The following ATG4B variants were observed in gnomAD, a reference collection of about 807,000 sequenced individuals.
The protein encoded by ATG4B is autophagy related 4B cysteine peptidase.
ATG4B carries 29 observed loss-of-function variants against 56.6 expected under a neutral mutation model. The observed-to-expected ratio is 0.51, with a 90% CI of 0.38 to 0.70. The LOEUF (loss-of-function observed/expected upper bound fraction) is 0.70. ATG4B is among the 30% of genes least tolerant of loss of function. ATG4B has a pLI of 0.00. For missense variants in ATG4B, 461 were observed against 515.5 expected, an observed-to-expected ratio of 0.89 and a Z score of 1.02; for synonymous variants, 224 against 206.1, an observed-to-expected ratio of 1.09 and a Z score of -0.74.
chr2:241,639,018 C>T (rs577057246), intron 1 of ATG4B, among the ~76,000 whole-genome samples: 1 of 152,316 alleles, frequency 6.6e-6, no homozygotes, highest in East Asian at 1.9e-4. Context: ...AGGCTCGCCG[C>T]AGGAGATACC....
At chr2:241,639,978 C>T (rs2067835487) in intron 1 of ATG4B, among the ~76,000 whole-genome samples, 1 of 152,176 alleles carries the variant, frequency 6.6e-6, no homozygotes, top group Non-Finnish European at 1.5e-5. Context: ...GGTTGGGTTT[C>T]ACTGGTGACC....
At chr2:241,644,947 C>CAAA (rs35177697) in intron 1 of ATG4B, among the ~76,000 whole-genome samples, 3 of 137,366 alleles carry the variant, frequency 2.2e-5, no homozygotes, top group Admixed American at 7.3e-5. Context: ...AACTCCATCT[C>CAAA]AAAAAAAAAA....
At chr2:241,647,854 C>T (rs2068110337) in intron 1 of ATG4B, among the ~76,000 whole-genome samples, 2 of 152,054 alleles carry the variant, frequency 1.3e-5, no homozygotes, top group Admixed American at 1.3e-4. Context: ...TGGCTCACGC[C>T]TGTAATCCCA....
chr2:241,644,229 G>C (rs930947783), intron 1 of ATG4B, among the ~76,000 whole-genome samples: 1 of 152,154 alleles, frequency 6.6e-6, no homozygotes, highest in Non-Finnish European at 1.5e-5. Context: ...TGTAGTCCCA[G>C]CTACTCAGGA....
At chr2:241,646,022 G>A (rs555289057) in intron 1 of ATG4B, among the ~76,000 whole-genome samples, 1 of 152,236 alleles carries the variant, frequency 6.6e-6, no homozygotes, top group South Asian at 2.1e-4. Flanking sequence ...GGGGTTTCCT[G>A]GTCTCCTTGA....
intron 10 of ATG4B, among the ~76,000 whole-genome samples, chr2:241,669,806 C>T (rs1013720101): frequency 2.0e-5 from 3 of 152,238 alleles, no homozygotes; most frequent in African/African-American, 7.2e-5. Context: ...TGCGCGCAGC[C>T]TGGCGCACAC....
At position 241,673,039 on chromosome 2, in the gene ATG4B, ACG is replaced by A. The variant is rs1491421927; in HGVS notation, c.*776_*777del. 1.6e-3 allele frequency: 45 copies of A among 27,632 alleles called. No homozygotes were observed. The highest frequency in any genetic ancestry group is 2.2e-3 in the Non-Finnish European group (37 of 16,486). 1.7% of individuals were successfully genotyped at this position (27,632 alleles called of 1,614,324 possible). A position where few individuals can be genotyped will look rare whatever the true frequency, so the allele number is the denominator to read the frequency against. On this transcript the variant is annotated 3_prime_UTR_variant, in exon 13 of 13. Transcript: ENST00000404914. ...TGTGGCAGCTTCCCCAGGTGTGGTG[ACG>A]GGGGGGGGGCGGGGCCTCCACCTGT...
chr2:241,644,824 C>T (rs1319278125), intron 1 of ATG4B, among the ~76,000 whole-genome samples: 1 of 151,946 alleles, frequency 6.6e-6, no homozygotes, highest in Non-Finnish European at 1.5e-5. Flanking sequence ...TGGCACACAC[C>T]TGTAATCCCA....
chr2:241,668,478 T>C lies in ATG4B; in HGVS notation c.812-62T>C, dbSNP rs779552988. 1.9e-6 allele frequency: 3 copies of C among 1,568,200 alleles called. No homozygotes were observed. Among genetic ancestry groups the C allele is most frequent in the Non-Finnish European group, 2.6e-6 (3 of 1,162,270 alleles). The stretch of plus-strand genomic sequence containing the variant: ...GGTGCAGTGGGTCTGAAATGCGGCC[T>C]CCTCTGTCCCTTTCCTCTGCCGGCT... On this transcript the variant is annotated intron_variant, in intron 9 of 12. Coordinates refer to ENST00000404914, the MANE Select transcript of ATG4B (RefSeq NM_013325.5). The surrounding 1 kb of genome is among the most constrained non-coding windows in gnomAD (Gnocchi z 4.2).
intron 1 of ATG4B, among the ~76,000 whole-genome samples, chr2:241,645,251 A>C (rs1346830898): frequency 6.6e-6 from 1 of 152,026 alleles, no homozygotes; most frequent in Non-Finnish European, 1.5e-5. Flanking sequence ...GAGAGTCTTT[A>C]TTGGCTCTTT....
intron 1 of ATG4B, among the ~76,000 whole-genome samples, chr2:241,640,242 T>C (rs62193472): frequency 0.59 from 89,276 of 152,136 alleles, 27,704 homozygotes; most frequent in African/African-American, 0.8. Flanking sequence ...ACACTGGATG[T>C]TGCTGCATGT....
At chr2:241,652,654 G>A (rs751432397) in intron 3 of ATG4B, among the ~76,000 whole-genome samples, 5 of 152,140 alleles carry the variant, frequency 3.3e-5, no homozygotes, top group Non-Finnish European at 7.3e-5. Context: ...ACACCACCAC[G>A]CCTGGCTCTG....
chr2:241,668,600 G>A lies in ATG4B; in HGVS notation c.872G>A (p.Gly291Asp). 6.2e-7 allele frequency: 1 copy of A among 1,603,256 alleles called. No individual in the cohort carries two copies. Among genetic ancestry groups the A allele is most frequent in the Non-Finnish European group, 8.5e-7 (1 of 1,175,992 alleles). The change falls in exon 10 of 13, where the codon GGC (glycine) becomes GAC (aspartate). Residue 291 changes from glycine to aspartate, a missense_variant. Physicochemically the swap from Gly to Asp is moderately conservative, Grantham distance 94. Coordinates refer to ENST00000404914, the MANE Select transcript of ATG4B (RefSeq NM_013325.5). The surrounding 1 kb of genome is among the most constrained non-coding windows in gnomAD (Gnocchi z 4.2). ...TTQPAVEPTD[G>D]CFIPDESFHC... is the part of the protein sequence containing the mutation. ...CAGCCAGCCGTGGAGCCCACTGATG[G>A]CTGCTTCATCCCGGACGAGAGCTTC...
At chr2:241,645,917 G>C (rs1289898889) in intron 1 of ATG4B, among the ~76,000 whole-genome samples, 1 of 152,164 alleles carries the variant, frequency 6.6e-6, no homozygotes, top group African/African-American at 2.4e-5. Context: ...CGGTGTGGGA[G>C]CCCTCCTTAG....
chr2:241,650,708 A>G (rs1284223624), intron 1 of ATG4B, among the ~76,000 whole-genome samples: 1 of 151,996 alleles, frequency 6.6e-6, no homozygotes, highest in Non-Finnish European at 1.5e-5. Flanking sequence ...CCCTCGTGTC[A>G]GCTGTTAGAC....
At chr2:241,670,093 G>A (rs547238384) in intron 10 of ATG4B, among the ~76,000 whole-genome samples, 12 of 152,238 alleles carry the variant, frequency 7.9e-5, no homozygotes, top group Non-Finnish European at 1.6e-4. Flanking sequence ...GCAGAATGGT[G>A]TCTTCAGGGG....
chr2:241,651,458 C>A lies in ATG4B; in HGVS notation c.184+123C>A. ...CATTTGAATCTTCACAGCAATCCTG[C>A]TTAACTGAATTGGCCGAGGCCTCAC... On this transcript the variant is annotated intron_variant, in intron 3 of 12. Coordinates refer to ENST00000404914, the MANE Select transcript of ATG4B (RefSeq NM_013325.5). This position sits in a 1 kb window ranked among gnomAD's most constrained non-coding sequence, Gnocchi z 4.1. The A allele has an allele frequency of 2.5e-6, 2 of 811,592 alleles. No individual in the cohort carries two copies. The highest frequency in any genetic ancestry group is 3.9e-6 in the Non-Finnish European group (2 of 510,386). 50.3% of individuals were successfully genotyped at this position (811,592 alleles called of 1,614,324 possible). A position where few individuals can be genotyped will look rare whatever the true frequency, so the allele number is the denominator to read the frequency against.
chr2:241,656,130 G>A (rs775244674), intron 6 of ATG4B, among the ~76,000 whole-genome samples: 1 of 152,038 alleles, frequency 6.6e-6, no homozygotes, highest in African/African-American at 2.4e-5. Context: ...TGCCTGTTCT[G>A]TATCCCACTC....
chr2:241,672,042 A>AC, intron 12 of ATG4B, 149 bp from the exon 13 acceptor site: 1 of 1,410,236 alleles, frequency 7.1e-7, no homozygotes, highest in Non-Finnish European at 9.3e-7. Context: ...GGTCTGCACA[A>AC]CCCCCGGACC....
Sources: gnomAD v4.1 joint callset for allele counts (sites outside exome capture counted in the v4.1 genomes callset) on GRCh38, gnomAD v4.1.1 for gene constraint, Gnocchi (gnomAD v3.1) non-coding constraint, MANE v1.5 for transcripts, NCBI Gene and HGNC (gene_info 2026-07-23, HGNC 2026-07-21) for gene names.